Variants in CHD2 observed in about 807,000 individuals in gnomAD.
CHD2 encodes chromodomain helicase DNA binding protein 2, also known as ATP-dependent chromatin remodeler CHD2.
In CHD2, 28 loss-of-function variants were observed where a neutral mutation model predicts 243.9. The observed-to-expected ratio is 0.11, with a 90% CI of 0.09 to 0.16. The LOEUF is 0.16. Ranked by LOEUF, CHD2 falls within the 10% of genes least tolerant of loss-of-function variation. The pLI is 1.00. For missense variants in CHD2, 1,386 were observed against 2,209.8 expected (o/e 0.63, Z 7.47); for synonymous variants, 775 against 779.0 (o/e 0.99, Z 0.09).
chr15:93,013,491 A>G (rs2054418230), intron 36 of CHD2, among the ~76,000 whole-genome samples: 1 of 152,236 alleles, frequency 6.6e-6, no homozygotes, highest in African/African-American at 2.4e-5. Context: ...GGGAGTATAC[A>G]TTGTCACAAC....
chr15:93,001,664 C>T (rs1175192463), intron 32 of CHD2, among the ~76,000 whole-genome samples: 3 of 152,048 alleles, frequency 2.0e-5, no homozygotes, highest in Admixed American at 1.3e-4. Flanking sequence ...TTACAGGCAC[C>T]TGCCACCACA....
At chr15:92,930,008 A>G (rs2053136546) in intron 5 of CHD2, among the ~76,000 whole-genome samples, 1 of 103,550 alleles carries the variant, frequency 9.7e-6, no homozygotes, top group South Asian at 4.2e-4. Flanking sequence ...AGGGTATTAC[A>G]GAGCCTTACA....
chr15:93,011,869 C>G (rs1290793715), intron 35 of CHD2, among the ~76,000 whole-genome samples: 1 of 152,124 alleles, frequency 6.6e-6, no homozygotes, highest in African/African-American at 2.4e-5. Context: ...ATGGAGGCCA[C>G]AACCTGGGAG....
rs2052537827 is a variant in CHD2, at chr15:92,902,171, C to T, written c.62+872C>T. On this transcript the variant is annotated intron_variant, in intron 2 of 38. Coordinates refer to ENST00000394196, the MANE Select transcript of CHD2 (RefSeq NM_001271.4). ...CTTTAAATTTATTGATGTATTTCGACAGAGTCGTCTGGAATGCTTTATCTT... is the reference window on the plus strand; with the variant it reads ...CTTTAAATTTATTGATGTATTTCGATAGAGTCGTCTGGAATGCTTTATCTT... The T allele has an allele frequency of 1.3e-5, 5 of 397,948 alleles. 1 individual carries two copies. Among genetic ancestry groups the T allele is most frequent in the Non-Finnish European group, 2.2e-5 (5 of 225,700 alleles). 24.7% of individuals were successfully genotyped at this position (397,948 alleles called of 1,614,324 possible).
At position 92,955,092 on chromosome 15, in the gene CHD2, TC is replaced by T. The variant is rs373805376; in HGVS notation, c.1720-330del. Among the ~76,000 whole-genome samples the T allele has an allele frequency of 8.2e-4, 125 of 152,306 alleles. 2 individuals carry two copies. In the Middle Eastern group the frequency reaches 0.014, roughly 17 times the overall value. ...ATAAATTGCATTTTTAAAAGAAATT[TC>T]TAAGGATCTGGGAGATCCCTTGTTG... On this transcript the variant is annotated intron_variant, in intron 14 of 38. Coordinates refer to ENST00000394196, the MANE Select transcript of CHD2 (RefSeq NM_001271.4).
intron 12 of CHD2, 142 bp downstream of exon 12, chr15:92,946,358 T>A (rs1306272254): frequency 1.7e-6 from 1 of 579,866 alleles, no homozygotes; most frequent in Non-Finnish European, 2.8e-6. Flanking sequence ...AAATATGACA[T>A]TAAAGCAAAA....
Position 93,023,508 on chromosome 15 carries a change from A to G in CHD2, c.5154-864A>G, listed in dbSNP as rs1365310566. 2.0e-5 allele frequency among the ~76,000 whole-genome samples: 3 copies of G among 152,110 alleles called. No individual in the cohort carries two copies. The East Asian group carries it at 5.8e-4, about 29-fold the overall frequency. On this transcript the variant is annotated intron_variant, in intron 38 of 38. Coordinates refer to ENST00000394196, the MANE Select transcript of CHD2 (RefSeq NM_001271.4). ...TACAGGTACTTGACTACCTGTTTTC[A>G]GTTTTGGATATGTGCCTGGGAGTGG... is the stretch of plus-strand genomic sequence containing the variant.
intron 2 of CHD2, among the ~76,000 whole-genome samples, chr15:92,916,848 G>A (rs1596373224): frequency 1.3e-5 from 2 of 152,152 alleles, no homozygotes; most frequent in East Asian, 3.9e-4. Context: ...TACTGCTCCT[G>A]GCTGATTCGT....
chr15:92,948,621 C>A (rs1596401522), intron 12 of CHD2, among the ~76,000 whole-genome samples: 1 of 152,118 alleles, frequency 6.6e-6, no homozygotes, highest in Admixed American at 6.5e-5. Flanking sequence ...ATCACGAGGT[C>A]AGGAGATCGA....
chr15:92,998,151 C>G lies in CHD2; in HGVS notation c.3886-348C>G. ...TCTAAAACGAAGCTTTAACCTAGCT[C>G]CAGGGATTCCCTGCTCCTGGAAGGA... On this transcript the variant is annotated intron_variant, in intron 30 of 38. Transcript: ENST00000394196. This position sits in a 1 kb window ranked among gnomAD's most constrained non-coding sequence, Gnocchi z 5.1. 1 of 1,023,670 alleles carries G rather than the reference C, an allele frequency of 9.8e-7. No homozygotes were observed. Among genetic ancestry groups the G allele is most frequent in the Non-Finnish European group, 1.2e-6 (1 of 853,390 alleles). The allele number at this position is 1,023,670 out of a possible 1,614,324, so 63.4% of individuals were successfully genotyped here.
chr15:93,009,519 G>A (rs145343912), intron 35 of CHD2, among the ~76,000 whole-genome samples, 196 bp downstream of exon 35: 65 of 152,272 alleles, frequency 4.3e-4, no homozygotes, highest in African/African-American at 1.4e-3. Flanking sequence ...CCTTTTGAAG[G>A]GGTAGGACGA....
rs762612275 is a variant in CHD2, at chr15:92,955,437, A to G, written c.1734A>G (p.Glu578=). The G allele has an allele frequency of 7.6e-6, 12 of 1,587,972 alleles. No homozygotes were observed. Among genetic ancestry groups the G allele is most frequent in the South Asian group, 4.6e-5 (4 of 86,254 alleles). Residue 578 remains glutamate, a synonymous_variant, in exon 15 of 39, where the codon GAA becomes GAG. Transcript: ENST00000394196. The stretch of plus-strand genomic sequence containing the variant: ...TTTTCTTATAGATACGGGAATATGA[A>G]TGGATTCATTCCCAAACCAAAAGAT... ...LMSRNTIREY[E]WIHSQTKRLK...
rs570826451 is a variant in CHD2 at position 92,919,711 on chromosome 15, A to C, written c.63-4610A>C. Among the ~76,000 whole-genome samples the C allele has an allele frequency of 2.6e-5, 4 of 152,088 alleles. No individual in the cohort carries two copies. The East Asian group carries it at 7.7e-4, about 29-fold the overall frequency. ...TGGCCTAAAAACACTTTTTAAAAAC[A>C]CTCATTCAAATCTTTGCTGGTTTTG... On this transcript the variant is annotated intron_variant, in intron 2 of 38. Coordinates refer to ENST00000394196, the MANE Select transcript of CHD2 (RefSeq NM_001271.4).
At chr15:93,005,083 G>A (rs139898978) in intron 34 of CHD2, among the ~76,000 whole-genome samples, 3 of 152,316 alleles carry the variant, frequency 2.0e-5, no homozygotes, top group Non-Finnish European at 4.4e-5. Context: ...CCAGCCCCCA[G>A]AGTTACCATG....
chr15:92,927,968 G>A (rs573931719), intron 4 of CHD2, among the ~76,000 whole-genome samples: 1 of 152,036 alleles, frequency 6.6e-6, no homozygotes, highest in African/African-American at 2.4e-5. Context: ...TATTTTTGTG[G>A]ATTCTTATTC....
At chr15:92,904,887 G>T (rs2052590607) in intron 2 of CHD2, 1 of 1,534,392 alleles carries the variant, frequency 6.5e-7, no homozygotes, top group Non-Finnish European at 8.7e-7. Flanking sequence ...CTCTTGACGG[G>T]TGTTAACAGC....
At position 92,945,870 on chromosome 15, in the gene CHD2, G is replaced by A; in HGVS notation, c.1198+5G>A. ...TGGGTCAAACAGATTTTCCAGGTAA[G>A]CAAGAAATTTTATTTATAAATGTTC... On this transcript the variant is annotated splice_donor_5th_base_variant and intron_variant, in intron 11 of 38. Transcript: ENST00000394196. 4.4e-6 allele frequency: 7 copies of A among 1,576,898 alleles called. No homozygotes were observed. The highest frequency in any genetic ancestry group is 1.4e-5 in the African/African-American group (1 of 73,826).
intron 2 of CHD2, chr15:92,904,713 T>A: frequency 1.4e-6 from 2 of 1,397,332 alleles, no homozygotes; most frequent in Non-Finnish European, 1.9e-6. Context: ...TATTTGGAAA[T>A]CTTAAAATAG....
At chr15:93,022,936 T>C (rs1367799196) in intron 38 of CHD2, among the ~76,000 whole-genome samples, 2 of 152,254 alleles carry the variant, frequency 1.3e-5, no homozygotes, top group Non-Finnish European at 2.9e-5. Flanking sequence ...CTTTTGGCTG[T>C]TTCAGGCAGG....
Sources: gnomAD v4.1 joint callset for allele counts (sites outside exome capture counted in the v4.1 genomes callset) on GRCh38, gnomAD v4.1.1 for gene constraint, Gnocchi (gnomAD v3.1) non-coding constraint, MANE v1.5 for transcripts, NCBI Gene and HGNC (gene_info 2026-07-23, HGNC 2026-07-21) for gene names.